PCDHGB5: variants seen among roughly 807,000 people sequenced by gnomAD.
PCDHGB5 encodes the protein protocadherin gamma subfamily B, 5.
PCDHGB5 carries 48 observed loss-of-function variants against 62.9 expected under a neutral mutation model. The ratio of observed to expected loss-of-function variants is 0.76; its 90% CI spans 0.61 to 0.97. PCDHGB5 has a LOEUF of 0.97. Ranked by LOEUF, PCDHGB5 falls within the 50% of genes least tolerant of loss-of-function variation. The probability of loss-of-function intolerance (pLI) is 0.00; values close to 1 mark genes in which losing one functional copy is unlikely to be tolerated. For missense variants in PCDHGB5, 1,118 were observed against 1,198.6 expected, an observed-to-expected ratio of 0.93 and a Z score of 0.99; for synonymous variants, 474 against 511.2, an observed-to-expected ratio of 0.93 and a Z score of 0.98.
chr5:141,509,882 G>A (rs1374735632), intron 3 of PCDHGB5, among the ~76,000 whole-genome samples: 1 of 152,182 alleles, frequency 6.6e-6, no homozygotes. Context: ...GGTGGTGATG[G>A]TGACTGACTG....
chr5:141,403,960 G>C (rs775638627), intron 1 of PCDHGB5: 2 of 1,613,658 alleles, frequency 1.2e-6, no homozygotes, highest in African/African-American at 1.3e-5. Flanking sequence ...TGCTCATTTC[G>C]GTGGAAGATG....
In PCDHGB5 at chr5:141,486,042, G is replaced by A; in HGVS notation, c.2398-8765G>A. The A allele has an allele frequency of 6.2e-7, 1 of 1,614,180 alleles. No individual in the cohort carries two copies. The highest frequency in any genetic ancestry group is 8.5e-7 in the Non-Finnish European group (1 of 1,180,030). On this transcript the variant is annotated intron_variant, in intron 1 of 3. Coordinates refer to ENST00000617380, the MANE Select transcript of PCDHGB5 (RefSeq NM_018925.3). This position sits in a 1 kb window ranked among gnomAD's most constrained non-coding sequence, Gnocchi z 5.0. The stretch of plus-strand genomic sequence containing the variant: ...AGTGGTCATACCCCTGATCGTGTAA[G>A]AAACCTCTTTAGCCTGCACCCCACT...
chr5:141,487,001 C>T lies in PCDHGB5; in HGVS notation c.2398-7806C>T. ...TTACAATGCTTGGGTTTCCTATCAG[C>T]TCCTGGAGGCCCCAGATCCCAGCCT... On this transcript the variant is annotated intron_variant, in intron 1 of 3. Transcript: ENST00000617380. This position sits in a 1 kb window ranked among gnomAD's most constrained non-coding sequence, Gnocchi z 5.0. 6.2e-7 allele frequency: 1 copy of T among 1,614,218 alleles called. No individual in the cohort carries two copies. The highest frequency in any genetic ancestry group is 8.5e-7 in the Non-Finnish European group (1 of 1,180,038).
Position 141,415,335 on chromosome 5 carries a change from G to T in PCDHGB5, c.2397+14811G>T, listed in dbSNP as rs779617513. On this transcript the variant is annotated intron_variant, in intron 1 of 3. Coordinates refer to ENST00000617380, the MANE Select transcript of PCDHGB5 (RefSeq NM_018925.3). ...TCATCGTGCTGCTGGCGCACAGGCT[G>T]CGGCGCTGGCACAAGTCACGCCTGC... The T allele has an allele frequency of 4.3e-6, 7 of 1,614,110 alleles. No homozygotes were observed. The Admixed American group carries it at 1.2e-4, about 27-fold the overall frequency.
chr5:141,423,661 GT>G, intron 1 of PCDHGB5: 1 of 1,555,760 alleles, frequency 6.4e-7, no homozygotes. Flanking sequence ...AAGTAATCAG[GT>G]GAGATTTATT....
At chr5:141,409,294 G>T (rs1438036410) in intron 1 of PCDHGB5, 11 of 1,613,826 alleles carry the variant, frequency 6.8e-6, no homozygotes, top group South Asian at 1.1e-5. Flanking sequence ...CTCCAGGAAT[G>T]GTTGTTGCCC....
intron 1 of PCDHGB5, chr5:141,408,704 A>G: frequency 1.2e-6 from 2 of 1,613,236 alleles, no homozygotes; most frequent in Non-Finnish European, 1.7e-6. Context: ...AAACTCAATT[A>G]AAGATTATAA....
intron 2 of PCDHGB5, among the ~76,000 whole-genome samples, chr5:141,503,940 C>G (rs890249753): frequency 6.6e-6 from 1 of 152,218 alleles, no homozygotes; most frequent in Non-Finnish European, 1.5e-5. Flanking sequence ...TTCATGCCTT[C>G]AAGGCCTACC....
At position 141,487,270 on chromosome 5, in the gene PCDHGB5, A is replaced by T. The variant is rs777469322; in HGVS notation, c.2398-7537A>T. 6.2e-7 allele frequency: 1 copy of T among 1,614,046 alleles called. No homozygotes were observed. Among genetic ancestry groups the T allele is most frequent in the South Asian group, 1.1e-5 (1 of 91,076 alleles). On this transcript the variant is annotated intron_variant, in intron 1 of 3. Transcript: ENST00000617380. The surrounding 1 kb of genome is among the most constrained non-coding windows in gnomAD (Gnocchi z 5.0). ...TCTACTTGGCTGTGTCCCTAGTGGC[A>T]ATTTGCTTTGTCTCCTTTGGCTCAT... is the stretch of plus-strand genomic sequence containing the variant.
In PCDHGB5 at chr5:141,486,288, T is replaced by G. The variant is rs1181533037; in HGVS notation, c.2398-8519T>G. ...GAACCTGGCACTGTGGTGGCACTTA[T>G]CAGTGTGCAGGATCCAGACTCAGGG... On this transcript the variant is annotated intron_variant, in intron 1 of 3. Transcript: ENST00000617380. This position sits in a 1 kb window ranked among gnomAD's most constrained non-coding sequence, Gnocchi z 5.0. The G allele has an allele frequency of 6.2e-7, 1 of 1,613,996 alleles. No individual in the cohort carries two copies. The highest frequency in any genetic ancestry group is 1.7e-5 in the Admixed American group (1 of 60,000).
chr5:141,401,623 T>A (rs1418194568), intron 1 of PCDHGB5, among the ~76,000 whole-genome samples: 1 of 152,230 alleles, frequency 6.6e-6, no homozygotes, highest in African/African-American at 2.4e-5. Flanking sequence ...GGATTTGTCT[T>A]ATCGTTTGGA....
At chr5:141,412,931 T>A in intron 1 of PCDHGB5, 1 of 453,226 alleles carries the variant, frequency 2.2e-6, no homozygotes, top group Non-Finnish European at 3.9e-6. Context: ...CAGTAACTTC[T>A]TAGGACTCTG....
chr5:141,400,203 G>C lies in PCDHGB5; in HGVS notation c.2076G>C (p.Leu692Phe). ...TGCAGTTTTACCTAGTGGTGGCCTT[G>C]GCCTTGATCTCAGTGCTCTTCCTCC... The part of the protein sequence containing the change: ...AELQFYLVVA[L>F]ALISVLFLLA... Residue 692 changes from leucine to phenylalanine, a missense_variant, in exon 1 of 4, where the codon TTG (leucine) becomes TTC (phenylalanine). Physicochemically the swap from Leu to Phe is conservative, Grantham distance 22. Coordinates refer to ENST00000617380, the MANE Select transcript of PCDHGB5 (RefSeq NM_018925.3). 1 of 1,613,996 alleles carries C rather than the reference G, an allele frequency of 6.2e-7. No individual in the cohort carries two copies. Among genetic ancestry groups the C allele is most frequent in the Non-Finnish European group, 8.5e-7 (1 of 1,179,886 alleles).
At chr5:141,501,516 C>T (rs763346187) in intron 2 of PCDHGB5, among the ~76,000 whole-genome samples, 1 of 152,010 alleles carries the variant, frequency 6.6e-6, no homozygotes, top group African/African-American at 2.4e-5. Context: ...GGCCTCCAAG[C>T]TGAAGCCCAG....
chr5:141,477,777 A>G lies in PCDHGB5; in HGVS notation c.2398-17030A>G, dbSNP rs775845004. ...GTCCTAGCCACCAACATCAGCGTGA[A>G]CATATTTGTCACTGATCGCAATGAC... is the stretch of plus-strand genomic sequence containing the variant. On this transcript the variant is annotated intron_variant, in intron 1 of 3. Transcript: ENST00000617380. The surrounding 1 kb of genome is among the most constrained non-coding windows in gnomAD (Gnocchi z 4.9). The G allele has an allele frequency of 1.9e-4, 299 of 1,613,944 alleles. No homozygotes were observed. Among genetic ancestry groups the G allele is most frequent in the Non-Finnish European group, 2.5e-4 (295 of 1,180,048 alleles).
chr5:141,482,740 G>A (rs1288861437), intron 1 of PCDHGB5, among the ~76,000 whole-genome samples: 1 of 127,398 alleles, frequency 7.8e-6, no homozygotes, highest in African/African-American at 3.6e-5. Context: ...GAAATTCCAT[G>A]CAGAGGGATT....
intron 2 of PCDHGB5, 34 bp from the exon 3 acceptor site, chr5:141,505,359 G>T: frequency 1.9e-6 from 3 of 1,613,870 alleles, no homozygotes; most frequent in Non-Finnish European, 2.5e-6. Context: ...TGCCGGCCTG[G>T]GAGTCTGTGC....
At chr5:141,417,256 C>G (rs985322130) in intron 1 of PCDHGB5, 1 of 152,096 alleles carries the variant, frequency 6.6e-6, no homozygotes, top group Non-Finnish European at 1.5e-5. Flanking sequence ...CTTCCAGCTT[C>G]ATAGATAATT....
intron 2 of PCDHGB5, among the ~76,000 whole-genome samples, chr5:141,501,109 C>T (rs909874167): frequency 2.0e-5 from 3 of 152,106 alleles, no homozygotes; most frequent in South Asian, 2.1e-4. Context: ...CCTCGTGATC[C>T]GCCTGCCTCA....
Sources: allele counts gnomAD v4.1 joint callset (sites outside exome capture counted in the v4.1 genomes callset), GRCh38; gene constraint gnomAD v4.1.1; non-coding constraint Gnocchi (gnomAD v3.1); transcripts MANE v1.5; gene names NCBI Gene and HGNC (gene_info 2026-07-23, HGNC 2026-07-21).